The following ANKRD34A variants were observed in gnomAD, a reference collection of about 807,000 sequenced individuals.
The protein encoded by ANKRD34A is ankyrin repeat domain 34A.
Under a neutral mutation model 27.1 loss-of-function variants are expected in ANKRD34A, and 7 were observed. The ratio of observed to expected loss-of-function variants is 0.26; its 90% CI spans 0.15 to 0.49. The LOEUF (loss-of-function observed/expected upper bound fraction) is 0.49, where lower values mean the gene tolerates loss of function less well. Ranked by LOEUF, ANKRD34A falls within the 20% of genes least tolerant of loss-of-function variation. The probability of loss-of-function intolerance (pLI) is 0.99; values close to 1 mark genes in which losing one functional copy is unlikely to be tolerated. For synonymous variants in ANKRD34A, 301 were observed against 300.8 expected (o/e 1.00, Z -0.01); for missense variants, 472 against 682.1 (o/e 0.69, Z 3.43).
Position 145,959,992 on chromosome 1 carries a change from T to C in ANKRD34A, c.*277A>G, listed in dbSNP as rs1553761017. On this transcript the variant is annotated 3_prime_UTR_variant, in exon 4 of 4. Transcript: ENST00000606888. Reference sequence around the variant, plus strand: ...GACCCTAGCCCTGTGTGTTTATTGATATGCTGTGCCTGTAGGTACACAAGT... The same window carrying C: ...GACCCTAGCCCTGTGTGTTTATTGACATGCTGTGCCTGTAGGTACACAAGT... 1 of 401,280 alleles carries C rather than the reference T, an allele frequency of 2.5e-6. No individual in the cohort carries two copies. Among genetic ancestry groups the C allele is most frequent in the Non-Finnish European group, 4.5e-6 (1 of 219,780 alleles). 24.9% of individuals were successfully genotyped at this position (401,280 alleles called of 1,614,324 possible). A position where few individuals can be genotyped will look rare whatever the true frequency, so the allele number is the denominator to read the frequency against.
rs1553761186 is a variant in ANKRD34A, at chr1:145,960,652, T to C, written c.1108A>G (p.Thr370Ala). 1 of 1,594,328 alleles carries C rather than the reference T, an allele frequency of 6.3e-7. No homozygotes were observed. The highest frequency in any genetic ancestry group is 1.7e-4 in the Middle Eastern group (1 of 5,954). The change falls in exon 4 of 4, where the codon ACC (threonine) becomes GCC (alanine). Residue 370 changes from threonine to alanine, a missense_variant. This residue lies in a region of ANKRD34A where 295 missense variants were observed against 335.0 expected (regional missense o/e 0.88). Coordinates refer to ENST00000606888, the MANE Select transcript of ANKRD34A (RefSeq NM_001039888.4). This position sits in a 1 kb window ranked among gnomAD's most constrained non-coding sequence, Gnocchi z 5.5. ...ERRRYSASPL[T>A]LPPAGSAPSP... ...GGAGCCGAGCCGGCTGGAGGGAGGG[T>C]CAACGGGGAGGCGCTGTATCGGCGG... is the stretch of plus-strand genomic sequence containing the variant.
Position 145,961,124 on chromosome 1 carries a change from G to C in ANKRD34A, c.636C>G (p.Asp212Glu). The change falls in exon 4 of 4, where the codon GAC becomes GAG. Residue 212 changes from aspartate to glutamate, a missense_variant. Asp to Glu is a conservative substitution (Grantham distance 45, BLOSUM62 2). Around this residue, in one of 4 missense-constraint regions of ANKRD34A, gnomAD observed 295 missense variants for 335.0 expected, o/e 0.88. Coordinates refer to ENST00000606888, the MANE Select transcript of ANKRD34A (RefSeq NM_001039888.4). This position sits in a 1 kb window ranked among gnomAD's most constrained non-coding sequence, Gnocchi z 9.5. The part of the protein sequence containing the change: ...PRAQEEEEKR[D>E]VFEFPLPKPP... ...GCTTAGGAAGAGGGAATTCAAATAC[G>C]TCCCGCTTCTCCTCTTCTTCCTGGG... 1 of 1,614,016 alleles carries C rather than the reference G, an allele frequency of 6.2e-7. No individual in the cohort carries two copies. The highest frequency in any genetic ancestry group is 8.5e-7 in the Non-Finnish European group (1 of 1,179,930).
intron 3 of ANKRD34A, among the ~76,000 whole-genome samples, chr1:145,962,095 G>A (rs1553761487): frequency 6.6e-6 from 1 of 152,066 alleles, no homozygotes; most frequent in East Asian, 1.9e-4. Context: ...TCGTGCACGC[G>A]CAGGGATGTC....
Position 145,963,126 on chromosome 1 carries a change from C to G in ANKRD34A, c.-668-158G>C, listed in dbSNP as rs41315695. On this transcript the variant is annotated intron_variant, in intron 2 of 3. Coordinates refer to ENST00000606888, the MANE Select transcript of ANKRD34A (RefSeq NM_001039888.4). ...ACACAGATACACCCCCGCCCCATCTCTCAAAAACGGAACACCCATCGCAGA... is the reference window on the plus strand; with the variant it reads ...ACACAGATACACCCCCGCCCCATCTGTCAAAAACGGAACACCCATCGCAGA... 5.2e-3 allele frequency among the ~76,000 whole-genome samples: 797 copies of G among 152,316 alleles called. 3 individuals carry two copies. Among genetic ancestry groups the G allele is most frequent in the South Asian group, 0.015 (74 of 4,828 alleles).
Position 145,961,531 on chromosome 1 carries a change from C to G in ANKRD34A, c.229G>C (p.Gly77Arg). 1.3e-6 allele frequency: 2 copies of G among 1,583,484 alleles called. No individual in the cohort carries two copies. The highest frequency in any genetic ancestry group is 1.7e-6 in the Non-Finnish European group (2 of 1,165,000). The change falls in exon 4 of 4, where the codon GGG (glycine) becomes CGG (arginine). Residue 77 changes from glycine (G) to arginine (R), a missense_variant. Coordinates refer to ENST00000606888, the MANE Select transcript of ANKRD34A (RefSeq NM_001039888.4). The surrounding 1 kb of genome is among the most constrained non-coding windows in gnomAD (Gnocchi z 9.5). ...CAAGCGTGCATGAGCGCCGTGCGCC[C>G]TAATCGGTCTGCGATATTGGGGTCC... Reference protein sequence around the residue: ...GADPNIADRLGRTALMHACAG... With the variant: ...GADPNIADRLRRTALMHACAG...
In ANKRD34A at chr1:145,960,988, G is replaced by T; in HGVS notation, c.772C>A (p.Pro258Thr). ...EPWGLVAPPQ[P>T]VPPTEGRPGI... ...GGTCTCCCTTCAGTGGGTGGGACTG[G>T]TTGAGGAGGGGCCACTAGGCCCCAG... Residue 258 changes from proline (P) to threonine (T), a missense_variant, in exon 4 of 4, where the codon CCA becomes ACA. Transcript: ENST00000606888. The surrounding 1 kb of genome is among the most constrained non-coding windows in gnomAD (Gnocchi z 5.5). The T allele has an allele frequency of 1.2e-6, 2 of 1,614,150 alleles. No individual in the cohort carries two copies. The highest frequency in any genetic ancestry group is 1.7e-6 in the Non-Finnish European group (2 of 1,179,978).
In ANKRD34A at chr1:145,960,268, C is replaced by T; in HGVS notation, c.*1G>A. On this transcript the variant is annotated 3_prime_UTR_variant, in exon 4 of 4. Transcript: ENST00000606888. This position sits in a 1 kb window ranked among gnomAD's most constrained non-coding sequence, Gnocchi z 5.5. ...ACCCTCCTTGGCTCCTCTCACTCCTCTCAGCGCCCTGGCTCCCCAGGCCCA... is the reference window on the plus strand; with the variant it reads ...ACCCTCCTTGGCTCCTCTCACTCCTTTCAGCGCCCTGGCTCCCCAGGCCCA... The T allele has an allele frequency of 6.6e-7, 1 of 1,522,160 alleles. No homozygotes were observed. Among genetic ancestry groups the T allele is most frequent in the Middle Eastern group, 1.8e-4 (1 of 5,606 alleles). The allele number at this position is 1,522,160 out of a possible 1,614,324, so 94.3% of individuals were successfully genotyped here.
chr1:145,963,041 G>A (rs1254022650), intron 2 of ANKRD34A, 73 bp from the exon 3 acceptor site: 1 of 152,486 alleles, frequency 6.6e-6, no homozygotes, highest in Non-Finnish European at 1.5e-5. Flanking sequence ...AGAGGCAAGA[G>A]ATGTGGCTTT....
At position 145,960,838 on chromosome 1, in the gene ANKRD34A, C is replaced by G. The variant is rs782300264; in HGVS notation, c.922G>C (p.Gly308Arg). 1.9e-5 allele frequency: 31 copies of G among 1,614,124 alleles called. No homozygotes were observed. The South Asian group carries it at 2.2e-4, about 11-fold the overall frequency. ...GTGTTTCGGCGAGAGAGAGGACCCC[C>G]GCTAGTCACTTTCTCCGCCCATGGG... ...PPPWAEKVTS[G>R]GPLSRRNTAP... is the part of the protein sequence containing the mutation. Residue 308 changes from glycine (G) to arginine (R), a missense_variant, in exon 4 of 4, where the codon GGG becomes CGG. Transcript: ENST00000606888. The surrounding 1 kb of genome is among the most constrained non-coding windows in gnomAD (Gnocchi z 5.5).
In ANKRD34A at chr1:145,960,364, G is replaced by T; in HGVS notation, c.1396C>A (p.Arg466Ser). The change falls in exon 4 of 4, where the codon CGC becomes AGC. Residue 466 changes from arginine (R) to serine (S), a missense_variant. Arg to Ser is a moderately radical substitution (Grantham distance 110, BLOSUM62 -1). This residue lies in a region of ANKRD34A where 53 missense variants were observed against 70.3 expected (regional missense o/e 0.75). Coordinates refer to ENST00000606888, the MANE Select transcript of ANKRD34A (RefSeq NM_001039888.4). This position sits in a 1 kb window ranked among gnomAD's most constrained non-coding sequence, Gnocchi z 5.5. ...AGAPGSPRTKRKLVRRHSMQT... is the reference protein window; with the variant it reads ...AGAPGSPRTKSKLVRRHSMQT... Reference sequence around the variant, plus strand: ...ATGGAGTGGCGTCTCACCAATTTGCGCTTGGTCCTGGGAGAGCCTGGCGCC... The same window carrying T: ...ATGGAGTGGCGTCTCACCAATTTGCTCTTGGTCCTGGGAGAGCCTGGCGCC... The T allele has an allele frequency of 6.2e-7, 1 of 1,613,774 alleles. No homozygotes were observed. Among genetic ancestry groups the T allele is most frequent in the Non-Finnish European group, 8.5e-7 (1 of 1,179,844 alleles).
rs1247503030 is a variant in ANKRD34A, at chr1:145,962,819, A to G, written c.-519T>C. On this transcript the variant is annotated 5_prime_UTR_variant, in exon 3 of 4. Transcript: ENST00000606888. ...CCTCCCCTCAGCCCCAACAAACCTA[A>G]GTGTTCCTTAGGGGACTCCTCCGCG... The G allele has an allele frequency of 6.6e-6, 1 of 152,242 alleles. No homozygotes were observed. The highest frequency in any genetic ancestry group is 1.5e-5 in the Non-Finnish European group (1 of 68,138). The allele number at this position is 152,242 out of a possible 1,614,324, so 9.4% of individuals were successfully genotyped here. A position where few individuals can be genotyped will look rare whatever the true frequency, so the allele number is the denominator to read the frequency against.
At chr1:145,963,741 A>G (rs1242580950) in intron 1 of ANKRD34A, among the ~76,000 whole-genome samples, 1 of 152,212 alleles carries the variant, frequency 6.6e-6, no homozygotes, top group Non-Finnish European at 1.5e-5. Flanking sequence ...CGTGTCAACT[A>G]TGTGCCATGT....
In ANKRD34A at chr1:145,961,149, G is replaced by A. The variant is rs1649737500; in HGVS notation, c.611C>T (p.Ala204Val). 1 of 1,614,012 alleles carries A rather than the reference G, an allele frequency of 6.2e-7. No homozygotes were observed. Among genetic ancestry groups the A allele is most frequent in the African/African-American group, 1.3e-5 (1 of 74,912 alleles). ...GGGRGMLSPR[A>V]QEEEEKRDVF... ...GTCCCGCTTCTCCTCTTCTTCCTGG[G>A]CGCGAGGGGATAACATCCCACGCCC... The change falls in exon 4 of 4, where the codon GCC becomes GTC. Residue 204 changes from alanine to valine, a missense_variant. By Grantham distance (64) the Ala-to-Val change is moderately conservative. This residue lies in a region of ANKRD34A where 295 missense variants were observed against 335.0 expected (regional missense o/e 0.88). Transcript: ENST00000606888. The surrounding 1 kb of genome is among the most constrained non-coding windows in gnomAD (Gnocchi z 9.5).
rs1553761226 is a variant in ANKRD34A at position 145,960,789 on chromosome 1, C to G, written c.971G>C (p.Gly324Ala). Reference sequence around the variant, plus strand: ...TTTCTGCCTCAGCCCTGAAGGGGGACCAGACTCCTGAGCTTCTGGTGCTGT... The same window carrying G: ...TTTCTGCCTCAGCCCTGAAGGGGGAGCAGACTCCTGAGCTTCTGGTGCTGT... Reference protein sequence around the residue: ...RNTAPEAQESGPPSGLRQKLS... With the variant: ...RNTAPEAQESAPPSGLRQKLS... Residue 324 changes from glycine to alanine, a missense_variant, in exon 4 of 4, where the codon GGT (glycine) becomes GCT (alanine). Coordinates refer to ENST00000606888, the MANE Select transcript of ANKRD34A (RefSeq NM_001039888.4). This position sits in a 1 kb window ranked among gnomAD's most constrained non-coding sequence, Gnocchi z 5.5. The G allele has an allele frequency of 3.1e-6, 5 of 1,614,220 alleles. No homozygotes were observed. The highest frequency in any genetic ancestry group is 8.5e-7 in the Non-Finnish European group (1 of 1,180,040).
rs1342200541 is a variant in ANKRD34A at position 145,962,602 on chromosome 1, G to A, written c.-302C>T. On this transcript the variant is annotated 5_prime_UTR_variant, in exon 3 of 4. Transcript: ENST00000606888. ...GGTCCCTCCTCCCGGAGCGCCCCGG[G>A]CACAGCGCCGGCTCGGGAGGAGAGA... The A allele has an allele frequency of 7.6e-6, 1 of 131,994 alleles. No homozygotes were observed. The highest frequency in any genetic ancestry group is 2.8e-5 in the African/African-American group (1 of 35,424). 8.2% of individuals were successfully genotyped at this position (131,994 alleles called of 1,614,324 possible).
Position 145,960,837 on chromosome 1 carries a change from CCG to C in ANKRD34A, c.921_922del (p.Ser307ArgfsTer43). On this transcript the variant is annotated frameshift_variant, in exon 4 of 4. Coordinates refer to ENST00000606888, the MANE Select transcript of ANKRD34A (RefSeq NM_001039888.4). LOFTEE classifies it high-confidence loss of function. This position sits in a 1 kb window ranked among gnomAD's most constrained non-coding sequence, Gnocchi z 5.5. The stretch of plus-strand genomic sequence containing the variant: ...TGTGTTTCGGCGAGAGAGAGGACCC[CCG>C]CTAGTCACTTTCTCCGCCCATGGGG... 1 of 1,614,248 alleles carries C rather than the reference CCG, an allele frequency of 6.2e-7. No individual in the cohort carries two copies. Among genetic ancestry groups the C allele is most frequent in the Non-Finnish European group, 8.5e-7 (1 of 1,180,048 alleles).
rs139744953 is a variant in ANKRD34A at position 145,961,402 on chromosome 1, C to G, written c.358G>C (p.Asp120His). 1 of 1,613,258 alleles carries G rather than the reference C, an allele frequency of 6.2e-7. No individual in the cohort carries two copies. The highest frequency in any genetic ancestry group is 1.3e-5 in the African/African-American group (1 of 74,936). The part of the protein sequence containing the change: ...AGASALVHAL[D>H]RGDRETLATL... ...GCAAGGGTCTCGCGGTCCCCGCGGT[C>G]CAGGGCGTGGACAAGAGCCGAGGCG... The change falls in exon 4 of 4, where the codon GAC (aspartate) becomes CAC (histidine). Residue 120 changes from aspartate to histidine, a missense_variant. Around this residue, in one of 4 missense-constraint regions of ANKRD34A, gnomAD observed 118 missense variants for 253.6 expected, o/e 0.47. Transcript: ENST00000606888. This position sits in a 1 kb window ranked among gnomAD's most constrained non-coding sequence, Gnocchi z 9.5.
Position 145,961,696 on chromosome 1 carries a change from G to T in ANKRD34A, c.64C>A (p.Arg22Ser). Residue 22 changes from arginine to serine, a missense_variant, in exon 4 of 4, where the codon CGT becomes AGT. Transcript: ENST00000606888. The surrounding 1 kb of genome is among the most constrained non-coding windows in gnomAD (Gnocchi z 9.5). ...AVGQGKLRLARLLLEGGAYVN... is the reference protein window; with the variant it reads ...AVGQGKLRLASLLLEGGAYVN... Reference sequence around the variant, plus strand: ...TAGGCGCCTCCCTCCAGAAGCAAACGGGCCAAGCGTAGCTTACCCTGACCC... The same window carrying T: ...TAGGCGCCTCCCTCCAGAAGCAAACTGGCCAAGCGTAGCTTACCCTGACCC... 1 of 1,613,992 alleles carries T rather than the reference G, an allele frequency of 6.2e-7. No homozygotes were observed. The highest frequency in any genetic ancestry group is 8.5e-7 in the Non-Finnish European group (1 of 1,179,916).
rs941012879 is a variant in ANKRD34A at position 145,959,919 on chromosome 1, A to G, written c.*350T>C. 3.5e-6 allele frequency: 1 copy of G among 282,194 alleles called. No individual in the cohort carries two copies. The highest frequency in any genetic ancestry group is 7.0e-6 in the Non-Finnish European group (1 of 143,002). The allele number at this position is 282,194 out of a possible 1,614,324, so 17.5% of individuals were successfully genotyped here. ...AGGGCAAAGACATCGGAGACTGCCC[A>G]TAAGTAAGGGTTCCCTACTGCTTCT... On this transcript the variant is annotated 3_prime_UTR_variant, in exon 4 of 4. Transcript: ENST00000606888.
Sources: gnomAD v4.1 joint callset for allele counts (sites outside exome capture counted in the v4.1 genomes callset) on GRCh38, gnomAD v4.1.1 for gene constraint, gnomAD v4.1.1 regional missense constraint, Gnocchi (gnomAD v3.1) non-coding constraint, MANE v1.5 for transcripts, NCBI Gene and HGNC (gene_info 2026-07-23, HGNC 2026-07-21) for gene names.